VSTM4: variants seen among roughly 807,000 people sequenced by gnomAD.
VSTM4 encodes V-set and transmembrane domain-containing protein 4.
In VSTM4, 20 loss-of-function variants were observed where a neutral mutation model predicts 36.4. That is an observed-to-expected ratio of 0.55 (90% CI 0.39 to 0.80). The LOEUF (loss-of-function observed/expected upper bound fraction) is 0.80. VSTM4 is among the 30% of genes least tolerant of loss of function. The probability of loss-of-function intolerance (pLI) is 0.00; values close to 1 mark genes in which losing one functional copy is unlikely to be tolerated. For missense variants in VSTM4, 392 were observed against 404.5 expected (o/e 0.97, Z 0.26); for synonymous variants, 182 against 173.9 (o/e 1.05, Z -0.37).
At chr10:49,075,988 A>G (rs1309294625) in intron 4 of VSTM4, among the ~76,000 whole-genome samples, 1 of 152,136 alleles carries the variant, frequency 6.6e-6, no homozygotes, top group Non-Finnish European at 1.5e-5. Flanking sequence ...CACCTCTCCC[A>G]AAGCTGCAGC....
At chr10:49,026,242 T>C (rs1342610045) in intron 7 of VSTM4, among the ~76,000 whole-genome samples, 1 of 152,182 alleles carries the variant, frequency 6.6e-6, no homozygotes, top group Non-Finnish European at 1.5e-5. Flanking sequence ...AATGAACCAC[T>C]GGATTGGCCC....
chr10:49,028,775 G>T (rs1404768560), intron 7 of VSTM4, among the ~76,000 whole-genome samples: 1 of 152,186 alleles, frequency 6.6e-6, no homozygotes, highest in East Asian at 1.9e-4. Flanking sequence ...TGCAGCCTCT[G>T]CAAGTTCTCT....
At chr10:49,071,958 T>G (rs1382661671) in intron 4 of VSTM4, among the ~76,000 whole-genome samples, 1 of 152,224 alleles carries the variant, frequency 6.6e-6, no homozygotes, top group African/African-American at 2.4e-5. Context: ...TTCTCAGTAG[T>G]GTATAGATGT....
intron 2 of VSTM4, among the ~76,000 whole-genome samples, chr10:49,087,520 A>C (rs1296703948): frequency 6.6e-6 from 1 of 152,170 alleles, no homozygotes; most frequent in Non-Finnish European, 1.5e-5. Flanking sequence ...TGGTCACTTT[A>C]ATCCAATCAG....
At chr10:49,048,671 T>C in intron 5 of VSTM4, 87 bp from the exon 6 acceptor site, 1 of 1,124,108 alleles carries the variant, frequency 8.9e-7, no homozygotes, top group Non-Finnish European at 1.3e-6. Flanking sequence ...TAGCTTCCAA[T>C]AGTTTCTGAG....
chr10:49,086,067 C>A, intron 2 of VSTM4, 44 bp from the exon 3 acceptor site: 2 of 1,194,698 alleles, frequency 1.7e-6, no homozygotes, highest in South Asian at 1.4e-5. Context: ...AAAATAATGC[C>A]ACATGGTACA....
chr10:49,033,585 C>G (rs1170007558), intron 7 of VSTM4, among the ~76,000 whole-genome samples: 1 of 152,170 alleles, frequency 6.6e-6, no homozygotes, highest in African/African-American at 2.4e-5. Flanking sequence ...ACATTAAACA[C>G]CCTGAAAACC....
At chr10:49,058,354 A>G (rs73300980) in intron 5 of VSTM4, among the ~76,000 whole-genome samples, 46 of 152,302 alleles carry the variant, frequency 3.0e-4, no homozygotes, top group African/African-American at 1.1e-3. Flanking sequence ...TCATTGCAGA[A>G]TGGACTGCAT....
intron 4 of VSTM4, among the ~76,000 whole-genome samples, chr10:49,066,905 C>A (rs539266279): frequency 1.3e-5 from 2 of 152,112 alleles, no homozygotes; most frequent in Admixed American, 6.5e-5. Flanking sequence ...CAATAAAGAA[C>A]CTTCAAAACA....
At chr10:49,103,589 T>C in intron 2 of VSTM4, 1 of 1,429,294 alleles carries the variant, frequency 7.0e-7, no homozygotes, top group Middle Eastern at 2.5e-4. Flanking sequence ...CCTATGGCTC[T>C]TCTCAGAACT....
At chr10:49,075,023 G>A (rs951208778) in intron 4 of VSTM4, among the ~76,000 whole-genome samples, 1 of 152,208 alleles carries the variant, frequency 6.6e-6, no homozygotes, top group Admixed American at 6.5e-5. Context: ...GAGGTGCCTG[G>A]CCCACAGCGG....
At chr10:49,073,366 G>C (rs1844116650) in intron 4 of VSTM4, among the ~76,000 whole-genome samples, 1 of 152,214 alleles carries the variant, frequency 6.6e-6, no homozygotes, top group African/African-American at 2.4e-5. Flanking sequence ...CAGAGGAAGT[G>C]GGGTATGGGT....
intron 2 of VSTM4, among the ~76,000 whole-genome samples, chr10:49,101,881 T>C (rs956206305): frequency 9.9e-5 from 15 of 152,224 alleles, no homozygotes; most frequent in African/African-American, 3.6e-4. Flanking sequence ...ATTATCTCAC[T>C]ATATAATACC....
At chr10:49,063,425 C>T (rs1360808413) in intron 5 of VSTM4, among the ~76,000 whole-genome samples, 2 of 152,204 alleles carry the variant, frequency 1.3e-5, no homozygotes, top group East Asian at 3.9e-4. Context: ...TATCTCTTCT[C>T]ATTCAAGTTG....
At chr10:49,023,074 G>A (rs1270042709) in intron 7 of VSTM4, among the ~76,000 whole-genome samples, 1 of 152,124 alleles carries the variant, frequency 6.6e-6, no homozygotes, top group Non-Finnish European at 1.5e-5. Flanking sequence ...AAGTGGAAAA[G>A]GTACTTCAAT....
chr10:49,114,261 T>A (rs1196770146), intron 1 of VSTM4, among the ~76,000 whole-genome samples: 3 of 152,250 alleles, frequency 2.0e-5, no homozygotes, highest in Non-Finnish European at 2.9e-5. Context: ...CCCACTGTTA[T>A]CCAAGTGCCT....
chr10:49,031,620 G>C (rs1016503596), intron 7 of VSTM4, among the ~76,000 whole-genome samples: 1 of 152,182 alleles, frequency 6.6e-6, no homozygotes, highest in African/African-American at 2.4e-5. Context: ...AACACATCTG[G>C]CTATTTTATT....
At chr10:49,099,043 C>T (rs185962774) in intron 2 of VSTM4, among the ~76,000 whole-genome samples, 8 of 152,336 alleles carry the variant, frequency 5.3e-5, no homozygotes, top group African/African-American at 1.9e-4. Flanking sequence ...ATTTCCTCAT[C>T]ACATTTGCCT....
intron 3 of VSTM4, among the ~76,000 whole-genome samples, chr10:49,085,169 G>C (rs1462463260): frequency 6.6e-6 from 1 of 152,258 alleles, no homozygotes; most frequent in Non-Finnish European, 1.5e-5. Context: ...GCAGGGCACA[G>C]CCATGTGCAT....
Sources: allele counts gnomAD v4.1 joint callset (sites outside exome capture counted in the v4.1 genomes callset), GRCh38; gene constraint gnomAD v4.1.1; transcripts MANE v1.5; gene names NCBI Gene and HGNC (gene_info 2026-07-23, HGNC 2026-07-21).